Variants in CAMTA1 observed in about 807,000 individuals in gnomAD.
CAMTA1 encodes the protein calmodulin-binding transcription activator 1.
A neutral mutation model predicts 170.9 loss-of-function variants in CAMTA1; 27 were observed. The ratio of observed to expected loss-of-function variants is 0.16; its 90% CI spans 0.12 to 0.22. The LOEUF (loss-of-function observed/expected upper bound fraction) is 0.22, where lower values mean the gene tolerates loss of function less well. CAMTA1 is among the 10% of genes least tolerant of loss of function. The pLI is 1.00. For missense variants in CAMTA1, 1,619 were observed against 2,217.2 expected, an observed-to-expected ratio of 0.73 and a Z score of 5.42; for synonymous variants, 833 against 891.5, an observed-to-expected ratio of 0.93 and a Z score of 1.17.
intron 6 of CAMTA1, among the ~76,000 whole-genome samples, chr1:7,550,724 T>C (rs78459841): frequency 0.1 from 10,568 of 102,508 alleles, 1,203 homozygotes; most frequent in African/African-American, 0.29. Context: ...CCCCTCCCCC[T>C]GACTCCTCCC....
intron 5 of CAMTA1, among the ~76,000 whole-genome samples, chr1:7,342,743 A>G (rs927309974): frequency 6.6e-6 from 1 of 152,208 alleles, no homozygotes; most frequent in African/African-American, 2.4e-5. Flanking sequence ...AGGTCATTGG[A>G]GAGCTGTGAC....
intron 3 of CAMTA1, among the ~76,000 whole-genome samples, chr1:6,913,031 C>T (rs561382489): frequency 2.0e-5 from 3 of 152,354 alleles, no homozygotes; most frequent in African/African-American, 7.2e-5. Flanking sequence ...CCCAGGCTGC[C>T]ATCAGCATGC....
At position 7,515,633 on chromosome 1, in the gene CAMTA1, C is replaced by T. The variant is rs557438270; in HGVS notation, c.510+47732C>T. 1.9e-4 allele frequency among the ~76,000 whole-genome samples: 29 copies of T among 152,268 alleles called. No homozygotes were observed. The South Asian group carries it at 2.1e-3, about 11-fold the overall frequency. The stretch of plus-strand genomic sequence containing the variant: ...CCTACACCCTATTCCACCCCCCGGG[C>T]AGCTCATCTCGGAGCGAGAGGCACC... On this transcript the variant is annotated intron_variant, in intron 6 of 22. Transcript: ENST00000303635.
At chr1:7,677,499 A>G in intron 10 of CAMTA1, 100 bp from the exon 11 acceptor site, 1 of 1,327,752 alleles carries the variant, frequency 7.5e-7, no homozygotes, top group Non-Finnish European at 1.0e-6. Flanking sequence ...ACATTAACCA[A>G]TGAAGGGTAG....
intron 3 of CAMTA1, among the ~76,000 whole-genome samples, chr1:6,832,300 C>T (rs1650617351): frequency 6.6e-6 from 1 of 152,130 alleles, no homozygotes; most frequent in Non-Finnish European, 1.5e-5. Flanking sequence ...CCCATCCAAA[C>T]AACTGAGCTC....
At chr1:7,123,579 C>T (rs552348032) in intron 4 of CAMTA1, among the ~76,000 whole-genome samples, 7 of 152,274 alleles carry the variant, frequency 4.6e-5, no homozygotes, top group South Asian at 2.1e-4. Flanking sequence ...TCTCACCGCT[C>T]GCCTTCACCC....
At chr1:7,450,138 A>G (rs1351388731) in intron 5 of CAMTA1, among the ~76,000 whole-genome samples, 1 of 152,164 alleles carries the variant, frequency 6.6e-6, no homozygotes, top group Non-Finnish European at 1.5e-5. Flanking sequence ...CCCGCAAGCC[A>G]TGGGTCTGAA....
chr1:7,513,228 G>C (rs72863085), intron 6 of CAMTA1, among the ~76,000 whole-genome samples: 20 of 152,246 alleles, frequency 1.3e-4, no homozygotes, highest in Non-Finnish European at 2.2e-4. Context: ...TCAAGCCACC[G>C]GCCTGCCAGA....
At chr1:6,786,120 C>T (rs974012181) in intron 1 of CAMTA1, among the ~76,000 whole-genome samples, 2 of 151,894 alleles carry the variant, frequency 1.3e-5, no homozygotes, top group Non-Finnish European at 2.9e-5. Flanking sequence ...CAGATGTACT[C>T]TCTCCGGCAC....
intron 3 of CAMTA1, among the ~76,000 whole-genome samples, chr1:6,907,572 G>A (rs1212731416): frequency 6.6e-6 from 1 of 152,180 alleles, no homozygotes; most frequent in Non-Finnish European, 1.5e-5. Context: ...GGCACCGTTC[G>A]GGGCTTCATG....
intron 3 of CAMTA1, among the ~76,000 whole-genome samples, chr1:7,049,553 T>G (rs1705967899): frequency 6.6e-6 from 1 of 152,072 alleles, no homozygotes; most frequent in African/African-American, 2.4e-5. Context: ...GCCTCCCGGG[T>G]GCAAGCGATT....
At chr1:6,985,665 G>A (rs1695238031) in intron 3 of CAMTA1, among the ~76,000 whole-genome samples, 1 of 152,154 alleles carries the variant, frequency 6.6e-6, no homozygotes, top group South Asian at 2.1e-4. Flanking sequence ...GCAAATCTTC[G>A]AATTGCCAGG....
intron 3 of CAMTA1, among the ~76,000 whole-genome samples, chr1:6,897,139 T>G (rs1449768027): frequency 6.6e-6 from 1 of 152,176 alleles, no homozygotes; most frequent in Admixed American, 6.5e-5. Context: ...GTTCCCCACT[T>G]GCCTGAGTAG....
chr1:7,101,999 A>T (rs113380738), intron 4 of CAMTA1, among the ~76,000 whole-genome samples: 1,997 of 151,906 alleles, frequency 0.013, 53 homozygotes, highest in African/African-American at 0.047. Context: ...ATATACATAC[A>T]TGTACACACA....
At chr1:7,675,143 G>A (rs1055286537) in intron 10 of CAMTA1, among the ~76,000 whole-genome samples, 3 of 152,194 alleles carry the variant, frequency 2.0e-5, no homozygotes, top group Non-Finnish European at 4.4e-5. Context: ...ATGGGAAGTG[G>A]GAGAAGCATC....
At chr1:6,811,299 A>T (rs971754129) in intron 1 of CAMTA1, among the ~76,000 whole-genome samples, 1 of 152,158 alleles carries the variant, frequency 6.6e-6, no homozygotes, top group African/African-American at 2.4e-5. Flanking sequence ...CTTTTTCTCT[A>T]TGTTAAGTAG....
chr1:7,491,386 C>A (rs1236694984), intron 6 of CAMTA1, among the ~76,000 whole-genome samples: 2 of 152,222 alleles, frequency 1.3e-5, no homozygotes, highest in African/African-American at 4.8e-5. Flanking sequence ...CTATTTCTCT[C>A]ACTTTCTGGA....
intron 6 of CAMTA1, among the ~76,000 whole-genome samples, chr1:7,486,411 C>T (rs907010963): frequency 2.0e-4 from 31 of 152,222 alleles, no homozygotes; most frequent in Non-Finnish European, 7.3e-5. Flanking sequence ...CTTGTATTGC[C>T]TCTGCACATC....
intron 5 of CAMTA1, among the ~76,000 whole-genome samples, chr1:7,412,637 T>C (rs965077680): frequency 1.3e-5 from 2 of 152,210 alleles, no homozygotes; most frequent in Non-Finnish European, 2.9e-5. Context: ...TTGAGTTCAT[T>C]GTAGATTCTG....
Sources: gnomAD v4.1 joint callset for allele counts (sites outside exome capture counted in the v4.1 genomes callset) on GRCh38, gnomAD v4.1.1 for gene constraint, MANE v1.5 for transcripts, NCBI Gene and HGNC (gene_info 2026-07-23, HGNC 2026-07-21) for gene names.